ANKS1A: variants seen among roughly 807,000 people sequenced by gnomAD.
The protein encoded by ANKS1A is ankyrin repeat and SAM domain-containing protein 1A.
ANKS1A carries 55 observed loss-of-function variants against 120.3 expected under a neutral mutation model. The observed-to-expected ratio is 0.46, with a 90% CI of 0.37 to 0.57. ANKS1A has a LOEUF of 0.57. ANKS1A is among the 20% of genes least tolerant of loss of function. The probability of loss-of-function intolerance (pLI) is 0.00; values close to 1 mark genes in which losing one functional copy is unlikely to be tolerated. For synonymous variants in ANKS1A, 590 were observed against 604.7 expected (o/e 0.98, Z 0.36); for missense variants, 1,123 against 1,480.3 (o/e 0.76, Z 3.96).
At position 34,983,578 on chromosome 6, in the gene ANKS1A, G is replaced by A. The variant is rs144370520; in HGVS notation, c.1012+153G>A. Among the ~76,000 whole-genome samples the A allele has an allele frequency of 2.5e-3, 378 of 152,236 alleles. 1 individual carries two copies. The highest frequency in any genetic ancestry group is 8.7e-3 in the African/African-American group (360 of 41,548). On this transcript the variant is annotated intron_variant, in intron 7 of 23. Coordinates refer to ENST00000360359, the MANE Select transcript of ANKS1A (RefSeq NM_015245.3). The stretch of plus-strand genomic sequence containing the variant: ...CAGTTCATTTTTTGCCAACTACTAT[G>A]TGAAGTTTTATTGGACATAGTTTAT...
chr6:34,915,992 T>TTTTC (rs1040057175), intron 1 of ANKS1A, among the ~76,000 whole-genome samples: 1 of 123,768 alleles, frequency 8.1e-6, no homozygotes, highest in African/African-American at 2.8e-5. Context: ...GGATCTTTTT[T>TTTTC]TTTTTTTTTT....
intron 11 of ANKS1A, among the ~76,000 whole-genome samples, chr6:35,048,912 G>A (rs1044713425): frequency 2.2e-4 from 34 of 152,234 alleles, no homozygotes; most frequent in Non-Finnish European, 4.7e-4. Context: ...CAAGGCCATC[G>A]AGCCAGAGGA....
At chr6:35,023,009 T>G (rs1774422459) in intron 11 of ANKS1A, among the ~76,000 whole-genome samples, 1 of 152,232 alleles carries the variant, frequency 6.6e-6, no homozygotes, top group Non-Finnish European at 1.5e-5. Flanking sequence ...ATTTTCCACC[T>G]GCCCTTCAGG....
intron 10 of ANKS1A, among the ~76,000 whole-genome samples, chr6:35,014,149 A>T (rs143072299): frequency 3.0e-4 from 46 of 152,314 alleles, no homozygotes; most frequent in Admixed American, 1.0e-3. Flanking sequence ...GGAAGAAACC[A>T]TTGAGTAATT....
intron 10 of ANKS1A, among the ~76,000 whole-genome samples, chr6:34,995,511 A>G (rs1254818298): frequency 6.6e-6 from 1 of 152,210 alleles, no homozygotes; most frequent in Non-Finnish European, 1.5e-5. Flanking sequence ...TGCCATCACA[A>G]TAAAAATATA....
At chr6:35,023,614 T>C in intron 11 of ANKS1A, 1 of 484,262 alleles carries the variant, frequency 2.1e-6, no homozygotes, top group East Asian at 6.5e-5. Context: ...GGAGGCATTA[T>C]GCCTCCAGGA....
At chr6:34,973,887 A>ACTTCCCCTTCC (rs1771323457) in intron 3 of ANKS1A, among the ~76,000 whole-genome samples, 3 of 10,856 alleles carry the variant, frequency 2.8e-4, no homozygotes, top group Admixed American at 1.0e-3. Context: ...CTTCCCCTTC[A>ACTTCCCCTTCC]CTTCCCCTTC....
At chr6:35,072,142 G>T (rs1423850452) in intron 13 of ANKS1A, among the ~76,000 whole-genome samples, 1 of 152,234 alleles carries the variant, frequency 6.6e-6, no homozygotes, top group Non-Finnish European at 1.5e-5. Context: ...AATCACATGG[G>T]CAGGAAGGCT....
At position 34,917,487 on chromosome 6, in the gene ANKS1A, T is replaced by TA. The variant is rs569961981; in HGVS notation, c.197+27889dup. Among the ~76,000 whole-genome samples the TA allele has an allele frequency of 6.4e-3, 970 of 152,340 alleles. 5 individuals are homozygous for TA. The highest frequency in any genetic ancestry group is 0.01 in the Non-Finnish European group (693 of 68,028). On this transcript the variant is annotated intron_variant, in intron 1 of 23. Coordinates refer to ENST00000360359, the MANE Select transcript of ANKS1A (RefSeq NM_015245.3). ...TATCAAAATTCCTATGACCACTGTG[T>TA]AGCTAGATTCAACTTGATGTTATAA...
In ANKS1A at chr6:35,086,290, T is replaced by G. The variant is rs1461361504; in HGVS notation, c.3303+354T>G. 1 of 1,317,932 alleles carries G rather than the reference T, an allele frequency of 7.6e-7. No individual in the cohort carries two copies. The allele number at this position is 1,317,932 out of a possible 1,614,324, so 81.6% of individuals were successfully genotyped here. A position where few individuals can be genotyped will look rare whatever the true frequency, so the allele number is the denominator to read the frequency against. ...CCCAGGTGCCGCTGCCCCCCGATAG[T>G]CGCTGTTGTTACTGTCACACCTGCA... On this transcript the variant is annotated intron_variant, in intron 22 of 23. Coordinates refer to ENST00000360359, the MANE Select transcript of ANKS1A (RefSeq NM_015245.3). The surrounding 1 kb of genome is among the most constrained non-coding windows in gnomAD (Gnocchi z 5.1).
chr6:34,954,645 G>C (rs1770256214), intron 1 of ANKS1A, among the ~76,000 whole-genome samples: 1 of 152,152 alleles, frequency 6.6e-6, no homozygotes, highest in African/African-American at 2.4e-5. Flanking sequence ...CCAAGTCACT[G>C]CTTTGCAGAA....
intron 1 of ANKS1A, among the ~76,000 whole-genome samples, chr6:34,908,189 G>A (rs1000998288): frequency 6.6e-6 from 1 of 152,170 alleles, no homozygotes; most frequent in Non-Finnish European, 1.5e-5. Flanking sequence ...AATGGAGTAG[G>A]GTGGTCTGGA....
In ANKS1A at chr6:35,079,638, G is replaced by A. The variant is rs1415279443; in HGVS notation, c.2406G>A (p.Val802=). 1 of 1,614,174 alleles carries A rather than the reference G, an allele frequency of 6.2e-7. No individual in the cohort carries two copies. Among genetic ancestry groups the A allele is most frequent in the South Asian group, 1.1e-5 (1 of 91,080 alleles). The change falls in exon 15 of 24, where the codon GTG becomes GTA. Residue 802 remains valine, a synonymous_variant. Coordinates refer to ENST00000360359, the MANE Select transcript of ANKS1A (RefSeq NM_015245.3). The stretch of plus-strand genomic sequence containing the variant: ...GTGGTTACAGCTCCATTGACACCGT[G>A]AAGAACCTCTGGGAGCTAGAGCTCG... ...LSSGYSSIDT[V]KNLWELELVN...
Position 34,969,994 on chromosome 6 carries a change from G to T in ANKS1A, c.279-16G>T. On this transcript the variant is annotated splice_polypyrimidine_tract_variant and intron_variant, in intron 2 of 23. Coordinates refer to ENST00000360359, the MANE Select transcript of ANKS1A (RefSeq NM_015245.3). The stretch of plus-strand genomic sequence containing the variant: ...TTCTGAGTTCTACCAACTCATGATT[G>T]ATTTTTGCCTTCTAGGGATGTGGTC... The T allele has an allele frequency of 3.1e-6, 5 of 1,611,666 alleles. No individual in the cohort carries two copies. Among genetic ancestry groups the T allele is most frequent in the Non-Finnish European group, 4.2e-6 (5 of 1,178,798 alleles).
rs201390043 is a variant in ANKS1A, at chr6:35,041,046, AG to A, written c.2011-13051del. On this transcript the variant is annotated intron_variant, in intron 11 of 23. Coordinates refer to ENST00000360359, the MANE Select transcript of ANKS1A (RefSeq NM_015245.3). The stretch of plus-strand genomic sequence containing the variant: ...GTTAAAACAAAAATGGGAAACTGAG[AG>A]GTTTGCGGAAAATAGCCAATAAATA... Among the ~76,000 whole-genome samples the A allele has an allele frequency of 9.0e-3, 1,374 of 152,358 alleles. 14 individuals carry two copies. The highest frequency in any genetic ancestry group is 0.022 in the African/African-American group (901 of 41,588).
At chr6:34,938,028 T>C (rs1223161377) in intron 1 of ANKS1A, among the ~76,000 whole-genome samples, 3 of 152,176 alleles carry the variant, frequency 2.0e-5, no homozygotes, top group African/African-American at 7.2e-5. Flanking sequence ...TCTCTTCCAC[T>C]TAGGGCACCT....
chr6:34,994,525 G>A, intron 10 of ANKS1A, 103 bp downstream of exon 10: 1 of 1,490,876 alleles, frequency 6.7e-7, no homozygotes, highest in Non-Finnish European at 9.1e-7. Context: ...TATTCCTTGG[G>A]TTGTGGTGGT....
intron 8 of ANKS1A, 43 bp from the exon 9 acceptor site, chr6:34,989,181 T>G: frequency 6.3e-7 from 1 of 1,598,362 alleles, no homozygotes; most frequent in South Asian, 1.1e-5. Flanking sequence ...ATTAGATACT[T>G]AAAAAAGAGA....
chr6:34,910,853 T>A, intron 1 of ANKS1A, among the ~76,000 whole-genome samples: 1 of 120,618 alleles, frequency 8.3e-6, no homozygotes. Context: ...AGAGTGAAAC[T>A]CCATCTCAAA....
Sources: gnomAD v4.1 joint callset for allele counts (sites outside exome capture counted in the v4.1 genomes callset) on GRCh38, gnomAD v4.1.1 for gene constraint, Gnocchi (gnomAD v3.1) non-coding constraint, MANE v1.5 for transcripts, NCBI Gene and HGNC (gene_info 2026-07-23, HGNC 2026-07-21) for gene names.